The following GCLC variants were observed in gnomAD, a reference collection of about 807,000 sequenced individuals.
GCLC encodes the protein glutamate--cysteine ligase catalytic subunit.
In GCLC, 30 loss-of-function variants were observed where a neutral mutation model predicts 81.5. The observed-to-expected ratio is 0.37, with a 90% confidence interval of 0.28 to 0.50. GCLC has a LOEUF of 0.50. GCLC is among the 20% of genes least tolerant of loss of function. The pLI is 0.96. For missense variants in GCLC, 556 were observed against 777.4 expected (o/e 0.72, Z 3.39); for synonymous variants, 262 against 273.3 (o/e 0.96, Z 0.41).
chr6:53,506,529 A>G lies in GCLC; in HGVS notation c.1197+384T>C, dbSNP rs1764617736. 4.0e-6 allele frequency: 1 copy of G among 251,730 alleles called. No individual in the cohort carries two copies. Among genetic ancestry groups the G allele is most frequent in the African/African-American group, 2.3e-5 (1 of 42,838 alleles). The allele number at this position is 251,730 out of a possible 1,614,324, so 15.6% of individuals were successfully genotyped here. Reference sequence around the variant, plus strand: ...TATAACATGACACAGAAATAAATCTATGAGAAGTCTATCTACAAAAAAAAA... The same window carrying G: ...TATAACATGACACAGAAATAAATCTGTGAGAAGTCTATCTACAAAAAAAAA... On this transcript the variant is annotated intron_variant, in intron 10 of 15. Transcript: ENST00000650454. The surrounding 1 kb of genome is among the most constrained non-coding windows in gnomAD (Gnocchi z 4.0).
At chr6:53,527,625 G>A (rs2127627433) in intron 1 of GCLC, among the ~76,000 whole-genome samples, 1 of 152,304 alleles carries the variant, frequency 6.6e-6, no homozygotes, top group South Asian at 2.1e-4. Flanking sequence ...TGGACTGACA[G>A]CCAATAACAC....
At chr6:53,508,505 C>T in intron 8 of GCLC, 90 bp downstream of exon 8, 4 of 826,630 alleles carry the variant, frequency 4.8e-6, no homozygotes, top group Non-Finnish European at 8.6e-6. Context: ...ATAAAAATTG[C>T]AGGGAGACAT....
At chr6:53,537,005 C>A (rs368850015) in intron 1 of GCLC, among the ~76,000 whole-genome samples, 4 of 152,326 alleles carry the variant, frequency 2.6e-5, no homozygotes, top group South Asian at 4.1e-4. Context: ...GCTGGCTAAA[C>A]CTATTCACTG....
chr6:53,498,004 TA>T lies in GCLC; in HGVS notation c.*751del, dbSNP rs11298134. The T allele has an allele frequency of 0.4, 59,616 of 149,974 alleles. 12,392 individuals are homozygous for T. Among genetic ancestry groups the T allele is most frequent in the African/African-American group, 0.52 (21,146 of 40,834 alleles). 9.3% of individuals were successfully genotyped at this position (149,974 alleles called of 1,614,324 possible). ...CACCCCTGCCGCCAACTTTTTTAGT[TA>T]AAAAAAAAAATTGTCCTTAATAATC... On this transcript the variant is annotated 3_prime_UTR_variant, in exon 16 of 16. Transcript: ENST00000650454.
In GCLC at chr6:53,505,370, C is replaced by T. The variant is rs1764593604; in HGVS notation, c.1395+22G>A. 5.0e-6 allele frequency: 5 copies of T among 993,100 alleles called. No homozygotes were observed. The East Asian group carries it at 1.2e-4, about 24-fold the overall frequency. 61.5% of individuals were successfully genotyped at this position (993,100 alleles called of 1,614,324 possible). On this transcript the variant is annotated intron_variant, in intron 12 of 15. Coordinates refer to ENST00000650454, the MANE Select transcript of GCLC (RefSeq NM_001498.4). ...TCTACAGATAGATCTATACCCATCA[C>T]CATAAAGAAACATATCCTTACCTTT...
chr6:53,517,079 A>ATTTTT lies in GCLC; in HGVS notation c.447-862_447-858dup, dbSNP rs71546114. 1.8e-4 allele frequency among the ~76,000 whole-genome samples: 19 copies of ATTTTT among 104,396 alleles called. 1 individual carries two copies. The East Asian group carries it at 2.8e-3, about 16-fold the overall frequency. The allele number at this position is 104,396 out of a possible 152,430, so 68.5% of individuals were successfully genotyped here. On this transcript the variant is annotated intron_variant, in intron 3 of 15. Coordinates refer to ENST00000650454, the MANE Select transcript of GCLC (RefSeq NM_001498.4). ...ACTAGCTCATATCTTTTAAAAAAAA[A>ATTTTT]TTTTTTTTTTTTTTTTTTTTTTTCT... is the stretch of plus-strand genomic sequence containing the variant.
At chr6:53,511,583 T>C (rs867232509) in intron 6 of GCLC, among the ~76,000 whole-genome samples, 22 of 152,276 alleles carry the variant, frequency 1.4e-4, no homozygotes, top group Middle Eastern at 3.4e-3. Context: ...GTGACTTAGT[T>C]ATTTTAAATG....
chr6:53,532,510 G>C (rs1469967595), intron 1 of GCLC, among the ~76,000 whole-genome samples: 2 of 152,204 alleles, frequency 1.3e-5, no homozygotes, highest in African/African-American at 4.8e-5. Context: ...TGGCAGGCCA[G>C]GGTACTACCC....
chr6:53,528,105 C>T (rs1214236462), intron 1 of GCLC, among the ~76,000 whole-genome samples: 1 of 152,140 alleles, frequency 6.6e-6, no homozygotes, highest in East Asian at 1.9e-4. Flanking sequence ...ACTTGGAGCA[C>T]CCAAAGAGGT....
intron 1 of GCLC, among the ~76,000 whole-genome samples, chr6:53,541,969 G>A (rs1196683400): frequency 6.6e-6 from 1 of 152,116 alleles, no homozygotes; most frequent in Non-Finnish European, 1.5e-5. Context: ...CCAGGCTTAA[G>A]CGATCCTTCT....
intron 1 of GCLC, among the ~76,000 whole-genome samples, chr6:53,535,574 A>G (rs1400038858): frequency 1.3e-5 from 2 of 152,202 alleles, no homozygotes; most frequent in Non-Finnish European, 2.9e-5. Flanking sequence ...ATATTTGCAA[A>G]GTTTGCAAAG....
Position 53,544,728 on chromosome 6 carries a change from G to T in GCLC, c.-83C>A. ...GCGCGAGACGGACACTCAGCCGCCC[G>T]CAGAAGGCGGCTGCCGCTCCACCCC... On this transcript the variant is annotated 5_prime_UTR_variant, in exon 1 of 16. Transcript: ENST00000650454. The T allele has an allele frequency of 7.5e-7, 1 of 1,335,224 alleles. No individual in the cohort carries two copies. Among genetic ancestry groups the T allele is most frequent in the South Asian group, 1.4e-5 (1 of 73,002 alleles). 82.7% of individuals were successfully genotyped at this position (1,335,224 alleles called of 1,614,324 possible).
At chr6:53,541,802 A>G (rs939527993) in intron 1 of GCLC, among the ~76,000 whole-genome samples, 6 of 152,210 alleles carry the variant, frequency 3.9e-5, no homozygotes, top group Non-Finnish European at 7.3e-5. Context: ...GTATAGTCTT[A>G]ACAGTCACTA....
Position 53,505,802 on chromosome 6 carries a change from C to G in GCLC, c.1290+1G>C. On this transcript the variant is annotated splice_donor_variant, in intron 11 of 15. Transcript: ENST00000650454. LOFTEE classifies it high-confidence loss of function. The stretch of plus-strand genomic sequence containing the variant: ...AGTTCTTGCTGATGCATGTGTCTTA[C>G]CTCCATGGGTCGAAATTCTACTCTC... 1 of 1,574,534 alleles carries G rather than the reference C, an allele frequency of 6.4e-7. No individual in the cohort carries two copies. Among genetic ancestry groups the G allele is most frequent in the South Asian group, 1.1e-5 (1 of 90,256 alleles).
chr6:53,513,405 C>G (rs989598270), intron 6 of GCLC: 1 of 152,226 alleles, frequency 6.6e-6, no homozygotes, highest in Non-Finnish European at 1.5e-5. Context: ...CTCTCTTTTA[C>G]TTCTGTTAGT....
Position 53,509,260 on chromosome 6 carries a change from A to G in GCLC, c.754-10T>C, listed in dbSNP as rs914919169. ...AGGCTTGGAATGTCACCTGTTTAAG[A>G]ATTGCAAAGTTATTAACACCAAGGA... On this transcript the variant is annotated splice_polypyrimidine_tract_variant and intron_variant, in intron 6 of 15. Coordinates refer to ENST00000650454, the MANE Select transcript of GCLC (RefSeq NM_001498.4). 6.4e-7 allele frequency: 1 copy of G among 1,551,216 alleles called. No homozygotes were observed. The highest frequency in any genetic ancestry group is 1.7e-5 in the Admixed American group (1 of 59,964).
chr6:53,544,466 C>G (rs755974470), intron 1 of GCLC, 30 bp downstream of exon 1: 4 of 1,602,254 alleles, frequency 2.5e-6, no homozygotes, highest in Admixed American at 1.7e-5. Context: ...ACACGGGTGC[C>G]CGGCGGGGAC....
At chr6:53,522,612 T>G in intron 1 of GCLC, 85 bp from the exon 2 acceptor site, 1 of 818,260 alleles carries the variant, frequency 1.2e-6, no homozygotes, top group South Asian at 1.4e-5. Flanking sequence ...CAGGGAAACG[T>G]GAAGTCTGTA....
intron 6 of GCLC, chr6:53,509,882 G>C (rs1307050139): frequency 6.5e-6 from 1 of 154,902 alleles, no homozygotes; most frequent in Non-Finnish European, 1.4e-5. Flanking sequence ...TCGATCTCCT[G>C]ACCTCATGAT....
Sources: gnomAD v4.1 joint callset for allele counts (sites outside exome capture counted in the v4.1 genomes callset) on GRCh38, gnomAD v4.1.1 for gene constraint, Gnocchi (gnomAD v3.1) non-coding constraint, MANE v1.5 for transcripts, NCBI Gene and HGNC (gene_info 2026-07-23, HGNC 2026-07-21) for gene names.